The following PKP4 variants were observed in gnomAD, a reference collection of about 807,000 sequenced individuals.
PKP4 encodes the protein plakophilin 4, also known as plakophilin-4.
In PKP4, 90 loss-of-function variants were observed where a neutral mutation model predicts 145.1. The ratio of observed to expected loss-of-function variants is 0.62; its 90% CI spans 0.52 to 0.74. The LOEUF (loss-of-function observed/expected upper bound fraction) is 0.74. Among genes scored for constraint, PKP4 ranks in the 30% least tolerant of loss-of-function variants. PKP4 has a pLI of 0.00. For synonymous variants in PKP4, 563 were observed against 577.2 expected (o/e 0.98, Z 0.35); for missense variants, 1,340 against 1,482.7 (o/e 0.90, Z 1.58).
At chr2:158,487,189 T>A (rs1408995173) in intron 1 of PKP4, among the ~76,000 whole-genome samples, 2 of 152,170 alleles carry the variant, frequency 1.3e-5, no homozygotes, top group Non-Finnish European at 2.9e-5. Context: ...CGTGCGATAG[T>A]TAAAAACAAT....
chr2:158,491,710 C>T lies in PKP4; in HGVS notation c.-6+34492C>T, dbSNP rs75746608. Among the ~76,000 whole-genome samples the T allele has an allele frequency of 7.2e-3, 1,097 of 152,154 alleles. 13 individuals are homozygous for T. Among genetic ancestry groups the T allele is most frequent in the African/African-American group, 0.025 (1,045 of 41,502 alleles). The stretch of plus-strand genomic sequence containing the variant: ...ATCATCGTTTGTTCTCCCTTCACCC[C>T]CCACCCCAGCCATATAGCTTGAAGG... On this transcript the variant is annotated intron_variant, in intron 1 of 21. Coordinates refer to ENST00000389759, the MANE Select transcript of PKP4 (RefSeq NM_003628.6).
intron 2 of PKP4, among the ~76,000 whole-genome samples, chr2:158,559,673 T>C (rs1270027501): frequency 6.6e-6 from 1 of 152,214 alleles, no homozygotes; most frequent in Non-Finnish European, 1.5e-5. Flanking sequence ...ATTGTTACCA[T>C]GAAAACTGCC....
Position 158,607,956 on chromosome 2 carries a change from C to T in PKP4, c.280+4852C>T, listed in dbSNP as rs141282785. Among the ~76,000 whole-genome samples, 10 of 151,670 alleles carry T rather than the reference C, an allele frequency of 6.6e-5. 1 individual carries two copies. In the East Asian group the frequency reaches 1.9e-3, roughly 29 times the overall value. On this transcript the variant is annotated intron_variant, in intron 4 of 21. Transcript: ENST00000389759. Reference sequence around the variant, plus strand: ...TGGCCAAGTAACAAATATAAGAGTACAAAAAAATAGAAAAAAACAATAAGA... The same window carrying T: ...TGGCCAAGTAACAAATATAAGAGTATAAAAAAATAGAAAAAAACAATAAGA...
chr2:158,561,794 T>A (rs897194288), intron 2 of PKP4, among the ~76,000 whole-genome samples: 12 of 93,700 alleles, frequency 1.3e-4, no homozygotes, highest in Non-Finnish European at 2.4e-4. Context: ...CAAGTCAGTC[T>A]TTTTTTTTTT....
intron 1 of PKP4, among the ~76,000 whole-genome samples, chr2:158,510,708 G>A (rs887774109): frequency 4.6e-5 from 7 of 152,212 alleles, no homozygotes; most frequent in Admixed American, 2.6e-4. Flanking sequence ...GCCAGATTGG[G>A]CTGGTGGGGT....
intron 1 of PKP4, among the ~76,000 whole-genome samples, chr2:158,464,904 A>G (rs1057162655): frequency 6.6e-6 from 1 of 152,240 alleles, no homozygotes; most frequent in Non-Finnish European, 1.5e-5. Flanking sequence ...TGTGTGCAGT[A>G]TTGTGTTTCA....
chr2:158,553,409 G>T (rs1286411215), intron 2 of PKP4, among the ~76,000 whole-genome samples: 1 of 152,126 alleles, frequency 6.6e-6, no homozygotes, highest in East Asian at 1.9e-4. Context: ...CTTGTTTAAT[G>T]GCACAAATAC....
At chr2:158,600,567 G>A (rs1293487056) in intron 3 of PKP4, among the ~76,000 whole-genome samples, 1 of 152,164 alleles carries the variant, frequency 6.6e-6, no homozygotes, top group African/African-American at 2.4e-5. Context: ...AATTGCCTTT[G>A]GTGGTTTAAA....
Position 158,661,699 on chromosome 2 carries a change from T to C in PKP4, c.2211+249T>C, listed in dbSNP as rs1036104523. Reference sequence around the variant, plus strand: ...GGCTTTCTCTCTGGTTCCCCTAGGCTCATTCTCAGGGTGGTGCCCATGCTG... The same window carrying C: ...GGCTTTCTCTCTGGTTCCCCTAGGCCCATTCTCAGGGTGGTGCCCATGCTG... On this transcript the variant is annotated intron_variant, in intron 13 of 21. Transcript: ENST00000389759. 6 of 333,188 alleles carry C rather than the reference T, an allele frequency of 1.8e-5. No individual in the cohort carries two copies. The East Asian group carries it at 2.5e-4, about 14-fold the overall frequency. 20.6% of individuals were successfully genotyped at this position (333,188 alleles called of 1,614,324 possible).
chr2:158,519,882 G>T (rs1255670911), intron 1 of PKP4, among the ~76,000 whole-genome samples: 1 of 151,474 alleles, frequency 6.6e-6, no homozygotes, highest in East Asian at 1.9e-4. Flanking sequence ...TCCTATCTTT[G>T]TATACCCTTA....
intron 1 of PKP4, among the ~76,000 whole-genome samples, chr2:158,481,224 T>A (rs1344251981): frequency 6.6e-6 from 1 of 152,174 alleles, no homozygotes; most frequent in Non-Finnish European, 1.5e-5. Flanking sequence ...ACACCTGGCC[T>A]CATTTCTTTT....
intron 1 of PKP4, among the ~76,000 whole-genome samples, chr2:158,498,496 C>T (rs1696078910): frequency 6.6e-6 from 1 of 152,078 alleles, no homozygotes; most frequent in Non-Finnish European, 1.5e-5. Context: ...CATAGTTTTC[C>T]AAAAAGGTTA....
At chr2:158,535,235 A>G (rs1258187233) in intron 2 of PKP4, among the ~76,000 whole-genome samples, 1 of 152,238 alleles carries the variant, frequency 6.6e-6, no homozygotes, top group Non-Finnish European at 1.5e-5. Flanking sequence ...CCAATGGGAT[A>G]GAGCACAGAA....
intron 19 of PKP4, among the ~76,000 whole-genome samples, chr2:158,674,226 G>T (rs774692339): frequency 1.3e-5 from 2 of 152,184 alleles, no homozygotes; most frequent in African/African-American, 2.4e-5. Flanking sequence ...CCCAGGCCCT[G>T]CCCTCAAGTC....
intron 7 of PKP4, among the ~76,000 whole-genome samples, chr2:158,627,327 C>T (rs192645977): frequency 5.0e-4 from 76 of 152,134 alleles, no homozygotes; most frequent in African/African-American, 1.7e-3. Flanking sequence ...AGAGAGGAGA[C>T]TGGAGGAAGG....
chr2:158,575,313 AC>A (rs1290754624), intron 2 of PKP4, among the ~76,000 whole-genome samples: 1 of 152,102 alleles, frequency 6.6e-6, no homozygotes, highest in Non-Finnish European at 1.5e-5. Flanking sequence ...CTGCATCACA[AC>A]CTGGCATGAG....
intron 3 of PKP4, among the ~76,000 whole-genome samples, chr2:158,586,155 T>A (rs935911985): frequency 2.0e-5 from 3 of 152,254 alleles, no homozygotes; most frequent in African/African-American, 7.2e-5. Flanking sequence ...ATGCCACATT[T>A]TATTTATTAG....
chr2:158,588,439 A>G (rs1422371061), intron 3 of PKP4, among the ~76,000 whole-genome samples: 3 of 152,086 alleles, frequency 2.0e-5, no homozygotes, highest in Non-Finnish European at 4.4e-5. Flanking sequence ...TTGGGGTTGA[A>G]TATGTTTTCA....
intron 11 of PKP4, 82 bp from the exon 12 acceptor site, chr2:158,658,049 A>G: frequency 1.2e-6 from 1 of 817,902 alleles, no homozygotes; most frequent in South Asian, 1.6e-5. Context: ...CTGACTTCAT[A>G]TTAATTAGAG....
Sources: gnomAD v4.1 joint callset for allele counts (sites outside exome capture counted in the v4.1 genomes callset) on GRCh38, gnomAD v4.1.1 for gene constraint, MANE v1.5 for transcripts, NCBI Gene and HGNC (gene_info 2026-07-23, HGNC 2026-07-21) for gene names.